Variants in SGMS1 observed in about 807,000 individuals in gnomAD.
The protein encoded by SGMS1 is sphingomyelin synthase 1, also known as phosphatidylcholine:ceramide cholinephosphotransferase 1.
Under a neutral mutation model 46.2 loss-of-function variants are expected in SGMS1, and 13 were observed. That is an observed-to-expected ratio of 0.28 (90% confidence interval 0.18 to 0.45). SGMS1 has a LOEUF of 0.45. SGMS1 is among the 20% of genes least tolerant of loss of function. SGMS1 has a pLI of 1.00. For synonymous variants in SGMS1, 203 were observed against 187.8 expected (o/e 1.08, Z -0.66); for missense variants, 324 against 519.9 (o/e 0.62, Z 3.66).
At chr10:50,446,633 G>A (rs1837018287) in intron 5 of SGMS1, among the ~76,000 whole-genome samples, 1 of 152,166 alleles carries the variant, frequency 6.6e-6, no homozygotes, top group Non-Finnish European at 1.5e-5. Context: ...AGCAAGTGGA[G>A]CAAAAGACAC....
intron 1 of SGMS1, among the ~76,000 whole-genome samples, chr10:50,602,864 T>C (rs1838661326): frequency 6.6e-6 from 1 of 152,204 alleles, no homozygotes; most frequent in East Asian, 1.9e-4. Flanking sequence ...CAGACTAACT[T>C]ATTTCCAAAG....
intron 2 of SGMS1, among the ~76,000 whole-genome samples, chr10:50,532,635 T>C (rs988669862): frequency 6.6e-6 from 1 of 152,212 alleles, no homozygotes; most frequent in Non-Finnish European, 1.5e-5. Flanking sequence ...GAGGACTTAC[T>C]GTTGTTAACC....
At chr10:50,544,656 A>C (rs1006349314) in intron 2 of SGMS1, among the ~76,000 whole-genome samples, 3 of 152,264 alleles carry the variant, frequency 2.0e-5, no homozygotes, top group Non-Finnish European at 4.4e-5. Context: ...CAATAAACTA[A>C]AATGCAACCT....
chr10:50,482,237 A>G (rs1837483391), intron 3 of SGMS1, among the ~76,000 whole-genome samples: 1 of 152,186 alleles, frequency 6.6e-6, no homozygotes, highest in African/African-American at 2.4e-5. Context: ...TCCAAGGTCA[A>G]AGTGAAGGAA....
chr10:50,308,352 G>A (rs1199862555), intron 9 of SGMS1, among the ~76,000 whole-genome samples: 1 of 152,116 alleles, frequency 6.6e-6, no homozygotes, highest in East Asian at 1.9e-4. Flanking sequence ...ACTAGTGATA[G>A]TAATTCATAT....
intron 6 of SGMS1, among the ~76,000 whole-genome samples, chr10:50,371,801 G>A (rs762679878): frequency 1.3e-5 from 2 of 152,202 alleles, no homozygotes; most frequent in Non-Finnish European, 2.9e-5. Flanking sequence ...GGCATCTAGT[G>A]AGGGCCCTCT....
chr10:50,496,737 T>C (rs1837618630), intron 3 of SGMS1, among the ~76,000 whole-genome samples: 1 of 152,204 alleles, frequency 6.6e-6, no homozygotes, highest in South Asian at 2.1e-4. Context: ...TACCTAGGCC[T>C]GGCTACCATC....
At chr10:50,609,241 G>T (rs1838724836) in intron 1 of SGMS1, among the ~76,000 whole-genome samples, 1 of 152,288 alleles carries the variant, frequency 6.6e-6, no homozygotes, top group East Asian at 1.9e-4. Context: ...AAAGTGCTGG[G>T]ATTACAGACA....
intron 2 of SGMS1, among the ~76,000 whole-genome samples, chr10:50,546,450 T>C (rs1564428766): frequency 1.3e-5 from 2 of 152,182 alleles, no homozygotes; most frequent in South Asian, 4.1e-4. Flanking sequence ...CTATTCACAA[T>C]AGCAAAGACT....
chr10:50,411,504 C>T (rs1361183633), intron 6 of SGMS1, among the ~76,000 whole-genome samples: 3 of 148,538 alleles, frequency 2.0e-5, no homozygotes, highest in Non-Finnish European at 3.0e-5. Flanking sequence ...TGTAAATACA[C>T]AATCAGCTTT....
chr10:50,518,946 G>A (rs1837833395), intron 3 of SGMS1, among the ~76,000 whole-genome samples: 1 of 152,104 alleles, frequency 6.6e-6, no homozygotes, highest in South Asian at 2.1e-4. Flanking sequence ...AAACCCACTA[G>A]CGGGGCAACA....
In SGMS1 at chr10:50,584,410, A is replaced by G. The variant is rs374987725; in HGVS notation, c.-589+5743T>C. Among the ~76,000 whole-genome samples, 15 of 151,722 alleles carry G rather than the reference A, an allele frequency of 9.9e-5. No individual in the cohort carries two copies. In the East Asian group the frequency reaches 2.5e-3, roughly 25 times the overall value. ...GCTACTTGGGAGGCTGAAGCAGGAG[A>G]ATCACTTGAACCCGGGAGGCAGAGG... On this transcript the variant is annotated intron_variant, in intron 2 of 10. Transcript: ENST00000361781.
chr10:50,363,723 T>C (rs1193719970), intron 6 of SGMS1, among the ~76,000 whole-genome samples: 1 of 152,180 alleles, frequency 6.6e-6, no homozygotes, highest in Non-Finnish European at 1.5e-5. Flanking sequence ...AATTTTTTTC[T>C]AGAAATACCC....
intron 1 of SGMS1, among the ~76,000 whole-genome samples, chr10:50,595,058 C>G (rs546050401): frequency 2.0e-5 from 3 of 152,302 alleles, no homozygotes; most frequent in South Asian, 4.1e-4. Flanking sequence ...CCACTCTGGA[C>G]AGCTTCTTCA....
intron 3 of SGMS1, among the ~76,000 whole-genome samples, chr10:50,470,472 C>T (rs756982423): frequency 3.3e-5 from 5 of 151,754 alleles, no homozygotes; most frequent in Non-Finnish European, 7.4e-5. Flanking sequence ...CTCTCTCACA[C>T]AGGATCCTGC....
chr10:50,596,437 C>T (rs576907625), intron 1 of SGMS1, among the ~76,000 whole-genome samples: 1 of 152,236 alleles, frequency 6.6e-6, no homozygotes, highest in Non-Finnish European at 1.5e-5. Flanking sequence ...CTCGGCCTCC[C>T]AAAGTGCTGG....
At chr10:50,427,357 C>T (rs1265534439) in intron 6 of SGMS1, among the ~76,000 whole-genome samples, 2 of 152,174 alleles carry the variant, frequency 1.3e-5, no homozygotes. Context: ...CGAGATGGCG[C>T]CACAGCACTC....
chr10:50,372,233 G>A (rs2255849), intron 6 of SGMS1, among the ~76,000 whole-genome samples: 52,407 of 151,976 alleles, frequency 0.34, 9,222 homozygotes, highest in South Asian at 0.4. Context: ...GGCCAACTAC[G>A]TTTGATCATA....
intron 6 of SGMS1, among the ~76,000 whole-genome samples, chr10:50,354,350 C>A (rs1462255859): frequency 1.3e-5 from 2 of 152,164 alleles, no homozygotes; most frequent in African/African-American, 4.8e-5. Flanking sequence ...AATGGATTCC[C>A]TATTTAATAA....
Sources: allele counts gnomAD v4.1 joint callset (sites outside exome capture counted in the v4.1 genomes callset), GRCh38; gene constraint gnomAD v4.1.1; transcripts MANE v1.5; gene names NCBI Gene and HGNC (gene_info 2026-07-23, HGNC 2026-07-21).